XRN2: variants seen among roughly 807,000 people sequenced by gnomAD.
The protein encoded by XRN2 is 5'-3' exoribonuclease 2.
A neutral mutation model predicts 138.5 loss-of-function variants in XRN2; 44 were observed. That is an observed-to-expected ratio of 0.32 (90% CI 0.25 to 0.41). The LOEUF is 0.41. Among genes scored for constraint, XRN2 ranks in the 10% least tolerant of loss-of-function variants. The probability of loss-of-function intolerance (pLI) is 1.00; values close to 1 mark genes in which losing one functional copy is unlikely to be tolerated. For missense variants in XRN2, 937 were observed against 1,169.3 expected (o/e 0.80, Z 2.90); for synonymous variants, 354 against 369.4 (o/e 0.96, Z 0.48).
rs1450611370 is a variant in XRN2 at position 21,356,181 on chromosome 20, T to C, written c.2118+4T>C. ...GTACCAGACAGGTTCCACAGAGGTA[T>C]GTTACGCAATTTGGTTAATTAGAAA... On this transcript the variant is annotated splice_donor_region_variant and intron_variant, in intron 22 of 29. Coordinates refer to ENST00000377191, the MANE Select transcript of XRN2 (RefSeq NM_012255.5). The C allele has an allele frequency of 9.4e-6, 15 of 1,594,656 alleles. No homozygotes were observed. Among genetic ancestry groups the C allele is most frequent in the Non-Finnish European group, 1.3e-5 (15 of 1,172,258 alleles).
At chr20:21,326,250 AACT>A (rs2038127094) in intron 1 of XRN2, 26 bp from the exon 2 acceptor site, 1 of 1,605,352 alleles carries the variant, frequency 6.2e-7, no homozygotes, top group African/African-American at 1.3e-5. Context: ...TGAACAATCA[AACT>A]ACTATTAATT....
intron 1 of XRN2, among the ~76,000 whole-genome samples, chr20:21,311,963 C>G (rs539731465): frequency 9.2e-5 from 14 of 152,186 alleles, no homozygotes; most frequent in African/African-American, 2.2e-4. Context: ...CCACTGCACT[C>G]CAGCCTGGGC....
chr20:21,335,348 G>T (rs1199547434), intron 13 of XRN2, among the ~76,000 whole-genome samples: 3 of 152,206 alleles, frequency 2.0e-5, no homozygotes, highest in Non-Finnish European at 4.4e-5. Context: ...AAGTCATGTG[G>T]CTATTTTAAG....
At chr20:21,357,863 CT>C in intron 24 of XRN2, 71 bp downstream of exon 24, 1 of 1,321,656 alleles carries the variant, frequency 7.6e-7, no homozygotes. Context: ...TTTAAAAGAC[CT>C]TTGATTCACA....
At chr20:21,383,436 C>T (rs369032502) in intron 28 of XRN2, among the ~76,000 whole-genome samples, 3 of 152,090 alleles carry the variant, frequency 2.0e-5, no homozygotes, top group East Asian at 3.9e-4. Flanking sequence ...TCATTTATTC[C>T]TCCTAGCAGT....
chr20:21,319,056 C>G (rs1369971255), intron 1 of XRN2, among the ~76,000 whole-genome samples: 2 of 152,050 alleles, frequency 1.3e-5, no homozygotes, highest in East Asian at 3.8e-4. Context: ...TATTTTGGTG[C>G]TGTTATTAGG....
At chr20:21,347,975 T>C (rs1378995246) in intron 17 of XRN2, among the ~76,000 whole-genome samples, 171 bp from the exon 18 acceptor site, 1 of 152,232 alleles carries the variant, frequency 6.6e-6, no homozygotes, top group Non-Finnish European at 1.5e-5. Flanking sequence ...ACTTCAAACT[T>C]AAGGAATTTT....
rs370836881 is a variant in XRN2 at position 21,342,489 on chromosome 20, A to G, written c.1411-1601A>G. Among the ~76,000 whole-genome samples the G allele has an allele frequency of 7.8e-4, 119 of 152,278 alleles. No homozygotes were observed. The South Asian group carries it at 0.019, about 24-fold the overall frequency. On this transcript the variant is annotated intron_variant, in intron 15 of 29. Transcript: ENST00000377191. ...AACAGCATTTTTTTCTAGAAAGTATATTATTATTTGTTTTCTAAAGATAGA... is the reference window on the plus strand; with the variant it reads ...AACAGCATTTTTTTCTAGAAAGTATGTTATTATTTGTTTTCTAAAGATAGA...
chr20:21,358,598 A>AT lies in XRN2; in HGVS notation c.2255+815dup, dbSNP rs894869266. On this transcript the variant is annotated intron_variant, in intron 24 of 29. Transcript: ENST00000377191. ...CTCTCCCCCTCAGGAAATATTTTAG[A>AT]TTTTTTTTTAGATTTCCCTTTGTGA... 1.5e-3 allele frequency among the ~76,000 whole-genome samples: 226 copies of AT among 151,324 alleles called. 3 individuals are homozygous for AT. The highest frequency in any genetic ancestry group is 5.1e-3 in the African/African-American group (211 of 41,238).
chr20:21,386,548 C>T (rs2038938303), intron 28 of XRN2, among the ~76,000 whole-genome samples: 1 of 152,152 alleles, frequency 6.6e-6, no homozygotes, highest in South Asian at 2.1e-4. Context: ...TAAATGTAGC[C>T]ATCTTGGTGA....
chr20:21,359,557 G>C (rs1284890929), intron 24 of XRN2, among the ~76,000 whole-genome samples: 2 of 151,738 alleles, frequency 1.3e-5, no homozygotes, highest in Non-Finnish European at 2.9e-5. Flanking sequence ...ACAAATCCCA[G>C]ATCTAAATGC....
rs1462418918 is a variant in XRN2 at position 21,331,830 on chromosome 20, C to T, written c.700+12C>T. The T allele has an allele frequency of 1.2e-6, 2 of 1,611,408 alleles. No homozygotes were observed. The highest frequency in any genetic ancestry group is 2.2e-5 in the South Asian group (2 of 90,240). The stretch of plus-strand genomic sequence containing the variant: ...ATGTGGAGCAGATGGTAAGTTTCTT[C>T]TTTGGGATTTGCTTCTTTTGGATTA... On this transcript the variant is annotated intron_variant, in intron 8 of 29. Coordinates refer to ENST00000377191, the MANE Select transcript of XRN2 (RefSeq NM_012255.5).
intron 24 of XRN2, among the ~76,000 whole-genome samples, chr20:21,363,577 G>A (rs2038661690): frequency 6.6e-6 from 1 of 152,154 alleles, no homozygotes. Context: ...GTTGTAAGAA[G>A]AACTAGTTGA....
intron 20 of XRN2, among the ~76,000 whole-genome samples, chr20:21,354,371 T>C (rs1354040078): frequency 6.6e-6 from 1 of 152,198 alleles, no homozygotes. Context: ...ATGCTCTCAT[T>C]TTACAAAAGA....
At chr20:21,367,045 A>C (rs2038712867) in intron 26 of XRN2, among the ~76,000 whole-genome samples, 1 of 152,138 alleles carries the variant, frequency 6.6e-6, no homozygotes, top group African/African-American at 2.4e-5. Context: ...AGAAGCCTCC[A>C]GTCTCTTAAA....
At chr20:21,355,808 C>G (rs1348060305) in intron 21 of XRN2, among the ~76,000 whole-genome samples, 1 of 151,984 alleles carries the variant, frequency 6.6e-6, no homozygotes, top group Non-Finnish European at 1.5e-5. Flanking sequence ...ATTGGGATAT[C>G]CATCACCTCA....
Position 21,385,258 on chromosome 20 carries a change from T to A in XRN2, c.2649-1610T>A, listed in dbSNP as rs2038925738. 2.6e-5 allele frequency among the ~76,000 whole-genome samples: 4 copies of A among 152,352 alleles called. No individual in the cohort carries two copies. In the South Asian group the frequency reaches 8.3e-4, roughly 32 times the overall value. On this transcript the variant is annotated intron_variant, in intron 28 of 29. Transcript: ENST00000377191. ...AACTGATCACAGTTAAGATGTGAAT[T>A]GTGTTTTTAGCCCGTGGGTTTTGCA... is the stretch of plus-strand genomic sequence containing the variant.
intron 27 of XRN2, among the ~76,000 whole-genome samples, chr20:21,379,134 C>A (rs1007552221): frequency 2.0e-5 from 3 of 152,064 alleles, no homozygotes; most frequent in Non-Finnish European, 2.9e-5. Flanking sequence ...AAGCTATTGG[C>A]GAAGCTTGGT....
intron 26 of XRN2, among the ~76,000 whole-genome samples, chr20:21,367,382 A>G (rs1158936217): frequency 6.6e-6 from 1 of 152,120 alleles, no homozygotes; most frequent in Non-Finnish European, 1.5e-5. Context: ...TAGTGGGGAA[A>G]CCTTAAGATT....
Sources: allele counts gnomAD v4.1 joint callset (sites outside exome capture counted in the v4.1 genomes callset), GRCh38; gene constraint gnomAD v4.1.1; transcripts MANE v1.5; gene names NCBI Gene and HGNC (gene_info 2026-07-23, HGNC 2026-07-21).